CFAP44: variants seen among roughly 807,000 people sequenced by gnomAD.
CFAP44 encodes the protein cilia and flagella associated protein 44.
A neutral mutation model predicts 216.2 loss-of-function variants in CFAP44; 134 were observed. The observed-to-expected ratio is 0.62, with a 90% CI of 0.54 to 0.72. The LOEUF (loss-of-function observed/expected upper bound fraction) is 0.72, where lower values mean the gene tolerates loss of function less well. CFAP44 is among the 30% of genes least tolerant of loss of function. The pLI, the probability that CFAP44 is intolerant of heterozygous loss-of-function variation, is 0.00. For missense variants in CFAP44, 2,035 were observed against 2,182.1 expected (o/e 0.93, Z 1.34); for synonymous variants, 700 against 727.6 (o/e 0.96, Z 0.61).
intron 22 of CFAP44, among the ~76,000 whole-genome samples, chr3:113,345,804 A>G (rs1048790155): frequency 6.6e-6 from 1 of 152,190 alleles, no homozygotes; most frequent in Non-Finnish European, 1.5e-5. Flanking sequence ...TTTTGTATAG[A>G]TTGATTATTC....
At chr3:113,354,629 C>T (rs768959756) in intron 22 of CFAP44, among the ~76,000 whole-genome samples, 84 of 152,188 alleles carry the variant, frequency 5.5e-4, no homozygotes, top group Non-Finnish European at 1.1e-3. Flanking sequence ...GCAGCCACAG[C>T]AAGTCCCGCC....
At chr3:113,318,437 G>A (rs1467377566) in intron 28 of CFAP44, among the ~76,000 whole-genome samples, 3 of 152,118 alleles carry the variant, frequency 2.0e-5, no homozygotes, top group Non-Finnish European at 4.4e-5. Context: ...TCTACAAAGA[G>A]AACAAATCTA....
chr3:113,434,844 A>T (rs2107418393), intron 1 of CFAP44: 1 of 152,348 alleles, frequency 6.6e-6, no homozygotes, highest in African/African-American at 2.4e-5. Context: ...CCACACTGTT[A>T]TATCTTCCTG....
At chr3:113,439,042 A>T (rs772935997) in intron 1 of CFAP44, among the ~76,000 whole-genome samples, 7 of 152,218 alleles carry the variant, frequency 4.6e-5, no homozygotes, top group Non-Finnish European at 8.8e-5. Context: ...CCTTTAAGGC[A>T]GTCGAAGTTT....
chr3:113,298,301 C>G (rs369436402), intron 32 of CFAP44, among the ~76,000 whole-genome samples: 3 of 152,246 alleles, frequency 2.0e-5, no homozygotes, highest in Non-Finnish European at 4.4e-5. Context: ...CACTACCCAC[C>G]TTCCCCATGG....
At chr3:113,439,538 C>T (rs1396677217) in intron 1 of CFAP44, among the ~76,000 whole-genome samples, 1 of 152,152 alleles carries the variant, frequency 6.6e-6, no homozygotes, top group South Asian at 2.1e-4. Context: ...CCCTTGTTTT[C>T]CTTTACCTCC....
Position 113,366,221 on chromosome 3 carries a change from A to C in CFAP44, c.2533T>G (p.Leu845Val). Residue 845 changes from leucine (L) to valine (V), a missense_variant, in exon 19 of 35, where the codon TTG becomes GTG. By Grantham distance (32) the Leu-to-Val change is conservative (BLOSUM62 1). This residue lies in a region of CFAP44 where 1,883 missense variants were observed against 2,023.7 expected (regional missense o/e 0.93). Transcript: ENST00000393845. ...LNQNDPSLTS[L>V]VDYWHFNMHD... ...ATATTGAAGTGCCAGTAGTCCACCAAACTGGTCAATGAAGGATCATTTTGA... is the reference window on the plus strand; with the variant it reads ...ATATTGAAGTGCCAGTAGTCCACCACACTGGTCAATGAAGGATCATTTTGA... 6.2e-7 allele frequency: 1 copy of C among 1,614,108 alleles called. No homozygotes were observed. Among genetic ancestry groups the C allele is most frequent in the Non-Finnish European group, 8.5e-7 (1 of 1,179,984 alleles).
At chr3:113,315,301 G>C in intron 28 of CFAP44, among the ~76,000 whole-genome samples, 1 of 151,998 alleles carries the variant, frequency 6.6e-6, no homozygotes, top group East Asian at 1.9e-4. Flanking sequence ...CAGACAAATA[G>C]ACTTTAGAGC....
intron 29 of CFAP44, among the ~76,000 whole-genome samples, chr3:113,307,481 A>C (rs951891263): frequency 5.9e-5 from 9 of 151,856 alleles, no homozygotes; most frequent in Admixed American, 1.3e-4. Context: ...CCACTCCTGC[A>C]CTCCCTTCAT....
chr3:113,342,014 G>T, intron 23 of CFAP44, 96 bp from the exon 24 acceptor site: 1 of 1,307,686 alleles, frequency 7.6e-7, no homozygotes, highest in Non-Finnish European at 1.0e-6. Context: ...AAAACACAGA[G>T]AATATATTGA....
chr3:113,292,779 C>T (rs966036092), intron 34 of CFAP44, among the ~76,000 whole-genome samples: 1 of 152,250 alleles, frequency 6.6e-6, no homozygotes, highest in African/African-American at 2.4e-5. Context: ...CCCTCTGCCT[C>T]TTCTCCCTTG....
At chr3:113,299,679 C>T (rs1949915871) in intron 32 of CFAP44, among the ~76,000 whole-genome samples, 2 of 152,158 alleles carry the variant, frequency 1.3e-5, no homozygotes, top group African/African-American at 4.8e-5. Flanking sequence ...CCTCAACAGA[C>T]AATGGATAAA....
chr3:113,384,340 TG>T (rs1217277565), intron 15 of CFAP44, among the ~76,000 whole-genome samples: 2 of 152,206 alleles, frequency 1.3e-5, no homozygotes, highest in African/African-American at 4.8e-5. Context: ...ATTACAGGTG[TG>T]AGCCACCATA....
chr3:113,321,899 C>T (rs1559910889), intron 28 of CFAP44, among the ~76,000 whole-genome samples: 1 of 152,180 alleles, frequency 6.6e-6, no homozygotes, highest in Non-Finnish European at 1.5e-5. Flanking sequence ...ATCCCATGCT[C>T]ATAGATTAGA....
chr3:113,347,178 G>T (rs976283886), intron 22 of CFAP44, among the ~76,000 whole-genome samples: 1 of 152,184 alleles, frequency 6.6e-6, no homozygotes, highest in South Asian at 2.1e-4. Context: ...AGACATGGGT[G>T]TCAGGCTTTC....
At chr3:113,439,637 T>C (rs1460578356) in intron 1 of CFAP44, among the ~76,000 whole-genome samples, 1 of 152,198 alleles carries the variant, frequency 6.6e-6, no homozygotes, top group African/African-American at 2.4e-5. Context: ...AGAAAGCCGC[T>C]CTCTGTATGT....
chr3:113,364,054 T>A (rs1950566464), intron 19 of CFAP44, among the ~76,000 whole-genome samples: 1 of 152,124 alleles, frequency 6.6e-6, no homozygotes, highest in Non-Finnish European at 1.5e-5. Context: ...ATCCCCCTCC[T>A]TGAAAGAGAA....
At position 113,400,006 on chromosome 3, in the gene CFAP44, G is replaced by C. The variant is rs758049624; in HGVS notation, c.1475-6C>G. 9 of 1,540,422 alleles carry C rather than the reference G, an allele frequency of 5.8e-6. No individual in the cohort carries two copies. In the East Asian group the frequency reaches 1.6e-4, roughly 28 times the overall value. ...ATCATAGATTCGAACAGAGCCTATA[G>C]AAAGACAGTTTTAAAAGAAAAAAAA... On this transcript the variant is annotated splice_polypyrimidine_tract_variant and splice_region_variant and intron_variant, in intron 12 of 34. Transcript: ENST00000393845.
At chr3:113,374,051 A>G (rs905017974) in intron 17 of CFAP44, among the ~76,000 whole-genome samples, 1 of 152,226 alleles carries the variant, frequency 6.6e-6, no homozygotes, top group African/African-American at 2.4e-5. Context: ...TTTCCTTATT[A>G]CTGAGATTCC....
Sources: gnomAD v4.1 joint callset for allele counts (sites outside exome capture counted in the v4.1 genomes callset) on GRCh38, gnomAD v4.1.1 for gene constraint, gnomAD v4.1.1 regional missense constraint, MANE v1.5 for transcripts, NCBI Gene and HGNC (gene_info 2026-07-23, HGNC 2026-07-21) for gene names.